CABLES1: variants seen among roughly 807,000 people sequenced by gnomAD.
The protein encoded by CABLES1 is Cdk5 and Abl enzyme substrate 1.
CABLES1 carries 36 observed loss-of-function variants against 57.8 expected under a neutral mutation model. That is an observed-to-expected ratio of 0.62 (90% confidence interval 0.48 to 0.82). The LOEUF (loss-of-function observed/expected upper bound fraction) is 0.82, where lower values mean the gene tolerates loss of function less well. Ranked by LOEUF, CABLES1 falls within the 40% of genes least tolerant of loss-of-function variation. CABLES1 has a pLI of 0.00. For missense variants in CABLES1, 767 were observed against 836.6 expected (o/e 0.92, Z 1.03); for synonymous variants, 374 against 363.0 (o/e 1.03, Z -0.35).
intron 3 of CABLES1, among the ~76,000 whole-genome samples, chr18:23,209,115 A>G (rs943863781): frequency 1.3e-5 from 2 of 152,208 alleles, no homozygotes; most frequent in African/African-American, 4.8e-5. Flanking sequence ...CAAACAATTC[A>G]TAAGTGCTCA....
chr18:23,158,948 T>C (rs2046983447), intron 1 of CABLES1, among the ~76,000 whole-genome samples: 1 of 152,172 alleles, frequency 6.6e-6, no homozygotes, highest in Non-Finnish European at 1.5e-5. Context: ...GCAAACGTCA[T>C]GTGCCCCACT....
rs749284907 is a variant in CABLES1 at position 23,257,452 on chromosome 18, G to C, written c.*85G>C. 892 of 1,417,120 alleles carry C rather than the reference G, an allele frequency of 6.3e-4. 1 individual carries two copies. Among genetic ancestry groups the C allele is most frequent in the Non-Finnish European group, 7.3e-4 (776 of 1,057,322 alleles). The allele number at this position is 1,417,120 out of a possible 1,614,324, so 87.8% of individuals were successfully genotyped here. A position where few individuals can be genotyped will look rare whatever the true frequency, so the allele number is the denominator to read the frequency against. On this transcript the variant is annotated 3_prime_UTR_variant, in exon 10 of 10. Coordinates refer to ENST00000256925, the MANE Select transcript of CABLES1 (RefSeq NM_001100619.3). ...TTACTACTGGAAATGAAAAAAAGTA[G>C]AACTCAGAATACCAGACTTTTCTTC... is the stretch of plus-strand genomic sequence containing the variant.
At position 23,259,154 on chromosome 18, in the gene CABLES1, C is replaced by T. The variant is rs1018923462; in HGVS notation, c.*1787C>T. On this transcript the variant is annotated 3_prime_UTR_variant, in exon 10 of 10. Transcript: ENST00000256925. ...GCCTGAACTACAAAATGCCCTTGGC[C>T]TTCCTCACATGGGGTCTGTCACCTT... 6.6e-6 allele frequency: 1 copy of T among 152,246 alleles called. No homozygotes were observed. Among genetic ancestry groups the T allele is most frequent in the Non-Finnish European group, 1.5e-5 (1 of 68,050 alleles). 9.4% of individuals were successfully genotyped at this position (152,246 alleles called of 1,614,324 possible).
chr18:23,213,135 T>C (rs2047416791), intron 3 of CABLES1, among the ~76,000 whole-genome samples: 1 of 152,170 alleles, frequency 6.6e-6, no homozygotes, highest in Non-Finnish European at 1.5e-5. Flanking sequence ...CTCCAAACCC[T>C]GATGCATGTA....
At chr18:23,193,840 G>A (rs1418130393) in intron 2 of CABLES1, among the ~76,000 whole-genome samples, 1 of 152,100 alleles carries the variant, frequency 6.6e-6, no homozygotes, top group Non-Finnish European at 1.5e-5. Flanking sequence ...AGCCATTTTA[G>A]CTCAACAAAT....
At chr18:23,187,096 G>A (rs145023560) in intron 1 of CABLES1, among the ~76,000 whole-genome samples, 30 of 152,286 alleles carry the variant, frequency 2.0e-4, no homozygotes, top group Middle Eastern at 3.4e-3. Context: ...TCATGAACTG[G>A]CTACCTGTAA....
intron 3 of CABLES1, among the ~76,000 whole-genome samples, chr18:23,206,904 G>A (rs1246223050): frequency 6.7e-6 from 1 of 150,088 alleles, no homozygotes; most frequent in Non-Finnish European, 1.5e-5. Context: ...TTGAACTCCT[G>A]GGCTCAAGCA....
At chr18:23,137,954 G>A (rs960141616) in intron 1 of CABLES1, among the ~76,000 whole-genome samples, 18 of 152,230 alleles carry the variant, frequency 1.2e-4, no homozygotes, top group African/African-American at 4.1e-4. Flanking sequence ...CCCGCAGCAG[G>A]TGAGGGCAGG....
intron 3 of CABLES1, among the ~76,000 whole-genome samples, chr18:23,213,044 CAG>C (rs1462298101): frequency 6.6e-6 from 1 of 152,166 alleles, no homozygotes; most frequent in Non-Finnish European, 1.5e-5. Context: ...GCAGGAGACA[CAG>C]GGCCTGGTTT....
At chr18:23,171,562 T>C (rs993850719) in intron 1 of CABLES1, among the ~76,000 whole-genome samples, 1 of 152,244 alleles carries the variant, frequency 6.6e-6, no homozygotes, top group Non-Finnish European at 1.5e-5. Flanking sequence ...TTTTTCTTTT[T>C]GATAAAGTGG....
At chr18:23,159,779 C>T (rs1359235460) in intron 1 of CABLES1, among the ~76,000 whole-genome samples, 1 of 152,086 alleles carries the variant, frequency 6.6e-6, no homozygotes, top group Admixed American at 6.5e-5. Context: ...GTTGCAGAAG[C>T]TCTTTATATC....
intron 1 of CABLES1, among the ~76,000 whole-genome samples, chr18:23,186,423 C>CTTTT (rs869108601): frequency 2.2e-4 from 31 of 143,520 alleles, no homozygotes; most frequent in African/African-American, 6.1e-4. Flanking sequence ...CTTTTCTCTT[C>CTTTT]TTTTTTTTTT....
intron 7 of CABLES1, among the ~76,000 whole-genome samples, chr18:23,245,802 G>C (rs991756494): frequency 6.6e-6 from 1 of 152,262 alleles, no homozygotes; most frequent in African/African-American, 2.4e-5. Flanking sequence ...GTGCTCGACA[G>C]TGCATTCAAG....
rs1555671608 is a variant in CABLES1, at chr18:23,248,538, T to TTTTTTTTTTTTTA, written c.1447-4422_1447-4421insTTTTTTTTTTTTA. ...TTTTTTTTTTTTTTTTTTTTTTTTT[T>TTTTTTTTTTTTTA]AAAAAAAGGCTGGACGTGGTGGCTC... is the stretch of plus-strand genomic sequence containing the variant. On this transcript the variant is annotated intron_variant, in intron 7 of 9. Coordinates refer to ENST00000256925, the MANE Select transcript of CABLES1 (RefSeq NM_001100619.3). Among the ~76,000 whole-genome samples the TTTTTTTTTTTTTA allele has an allele frequency of 9.6e-4, 90 of 93,590 alleles. 2 individuals carry two copies. The highest frequency in any genetic ancestry group is 1.7e-3 in the Non-Finnish European group (72 of 42,678). 61.4% of individuals were successfully genotyped at this position (93,590 alleles called of 152,430 possible). A position where few individuals can be genotyped will look rare whatever the true frequency, so the allele number is the denominator to read the frequency against.
Position 23,136,011 on chromosome 18 carries a change from G to A in CABLES1, c.249G>A (p.Ala83=). 6 of 1,139,736 alleles carry A rather than the reference G, an allele frequency of 5.3e-6. No homozygotes were observed. The highest frequency in any genetic ancestry group is 4.3e-6 in the Non-Finnish European group (4 of 929,874). The allele number at this position is 1,139,736 out of a possible 1,614,324, so 70.6% of individuals were successfully genotyped here. A position where few individuals can be genotyped will look rare whatever the true frequency, so the allele number is the denominator to read the frequency against. The change falls in exon 1 of 10, where the codon GCG becomes GCA. Residue 83 remains alanine, a synonymous_variant. Coordinates refer to ENST00000256925, the MANE Select transcript of CABLES1 (RefSeq NM_001100619.3). ...ACGGCCGGCTGCCGCCGCAGGACGC[G>A]GAGTGGGGCGGTGGCGAGGAGGGCG... ...SLDGRLPPQD[A]EWGGGEEGGA... is the part of the protein sequence containing the mutation.
intron 1 of CABLES1, among the ~76,000 whole-genome samples, chr18:23,185,641 C>G (rs1483980317): frequency 2.6e-5 from 4 of 152,098 alleles, no homozygotes; most frequent in Non-Finnish European, 4.4e-5. Flanking sequence ...CAGCCTTCAG[C>G]CCTTCTTCTG....
At chr18:23,147,693 A>T (rs1223120581) in intron 1 of CABLES1, among the ~76,000 whole-genome samples, 1 of 152,216 alleles carries the variant, frequency 6.6e-6, no homozygotes, top group African/African-American at 2.4e-5. Flanking sequence ...CTTACGCTGG[A>T]ATCGTGACAA....
chr18:23,202,280 T>G (rs2047331135), intron 3 of CABLES1, among the ~76,000 whole-genome samples: 1 of 152,222 alleles, frequency 6.6e-6, no homozygotes, highest in Non-Finnish European at 1.5e-5. Flanking sequence ...GTGGGTATTA[T>G]CTTCTAAAAG....
chr18:23,213,899 A>G, intron 3 of CABLES1, 78 bp from the exon 4 acceptor site: 1 of 918,252 alleles, frequency 1.1e-6, no homozygotes, highest in Non-Finnish European at 1.7e-6. Context: ...TGAATGCTTA[A>G]TTGCTATAGA....
Sources: allele counts gnomAD v4.1 joint callset (sites outside exome capture counted in the v4.1 genomes callset), GRCh38; gene constraint gnomAD v4.1.1; transcripts MANE v1.5; gene names NCBI Gene and HGNC (gene_info 2026-07-23, HGNC 2026-07-21).